The following ZNF468 variants were observed in gnomAD, a reference collection of about 807,000 sequenced individuals.
ZNF468 encodes the protein zinc finger protein 468.
In ZNF468, 8 loss-of-function variants were observed where a neutral mutation model predicts 7.2. That is an observed-to-expected ratio of 1.11 (90% CI 0.65 to 2.01). ZNF468 has a LOEUF of 2.01. Among genes scored for constraint, ZNF468 ranks in the 30% most tolerant of loss-of-function variants. The pLI is 0.00. For missense variants in ZNF468, 608 were observed against 626.5 expected, an observed-to-expected ratio of 0.97 and a Z score of 0.31; for synonymous variants, 218 against 214.4, an observed-to-expected ratio of 1.02 and a Z score of -0.15.
intron 2 of ZNF468, 156 bp downstream of exon 2, chr19:52,854,102 C>T (rs187609598): frequency 1.5e-5 from 23 of 1,556,098 alleles, no homozygotes; most frequent in African/African-American, 8.1e-5. Flanking sequence ...TCACGAGAGA[C>T]GGAACCTAAG....
intron 2 of ZNF468, chr19:52,849,493 G>A (rs2063367294): frequency 3.4e-6 from 2 of 583,078 alleles, no homozygotes; most frequent in African/African-American, 1.9e-5. Flanking sequence ...TTATAAAAAT[G>A]TTTGAAACTT....
At chr19:52,855,154 G>A (rs896526654) in intron 1 of ZNF468, among the ~76,000 whole-genome samples, 2 of 151,354 alleles carry the variant, frequency 1.3e-5, no homozygotes, top group Non-Finnish European at 2.9e-5. Context: ...CTCACAGCCC[G>A]GAGGACAGAG....
intron 3 of ZNF468, among the ~76,000 whole-genome samples, chr19:52,845,792 G>C (rs930993366): frequency 6.6e-6 from 1 of 152,134 alleles, no homozygotes; most frequent in Admixed American, 6.5e-5. Context: ...ATAACCTGAG[G>C]TTGGGAGTTC....
In ZNF468 at chr19:52,840,640, T is replaced by A. The variant is rs2063286927; in HGVS notation, c.*85A>T. 3.1e-6 allele frequency: 5 copies of A among 1,599,822 alleles called. No individual in the cohort carries two copies. Among genetic ancestry groups the A allele is most frequent in the Non-Finnish European group, 4.3e-6 (5 of 1,167,348 alleles). ...AAAAACCTTGCCACATTCATTATGC[T>A]TGTAAGGTTTCTCTCCAGTATGAAT... is the stretch of plus-strand genomic sequence containing the variant. On this transcript the variant is annotated 3_prime_UTR_variant, in exon 4 of 4. Transcript: ENST00000595646.
At position 52,843,844 on chromosome 19, in the gene ZNF468, G is replaced by A. The variant is rs187853035; in HGVS notation, c.143-1693C>T. Among the ~76,000 whole-genome samples the A allele has an allele frequency of 2.3e-3, 353 of 152,232 alleles. 2 individuals are homozygous for A. The highest frequency in any genetic ancestry group is 8.2e-3 in the African/African-American group (341 of 41,536). Reference sequence around the variant, plus strand: ...CAGGAACAAGAATTGACTAGCGGCCGGGTGCAGTGGCACATGCCTGTAATC... The same window carrying A: ...CAGGAACAAGAATTGACTAGCGGCCAGGTGCAGTGGCACATGCCTGTAATC... On this transcript the variant is annotated intron_variant, in intron 3 of 3. Transcript: ENST00000595646.
In ZNF468 at chr19:52,841,162, T is replaced by C. The variant is rs1348379042; in HGVS notation, c.1132A>G (p.Thr378Ala). 6.2e-6 allele frequency: 10 copies of C among 1,613,330 alleles called. No individual in the cohort carries two copies. Among genetic ancestry groups the C allele is most frequent in the Non-Finnish European group, 8.5e-6 (10 of 1,179,564 alleles). The part of the protein sequence containing the change: ...STLARHHRLH[T>A]GEKPYKCEEC... ...TCACATTTGTAAGGTTTCTCTCCAG[T>C]ATGAAGTCTATGATGGCGTGCAAGG... Residue 378 changes from threonine (T) to alanine (A), a missense_variant, in exon 4 of 4, where the codon ACT (threonine) becomes GCT (alanine). Physicochemically the swap from Thr to Ala is moderately conservative, Grantham distance 58 (BLOSUM62 0). Coordinates refer to ENST00000595646, the MANE Select transcript of ZNF468 (RefSeq NM_001008801.2).
chr19:52,853,789 T>G (rs10425825), intron 2 of ZNF468: 199,088 of 806,286 alleles, frequency 0.25, 16,807 homozygotes, highest in African/African-American at 0.27. Context: ...AGAAACACAG[T>G]AACTCACTCC....
At chr19:52,856,198 C>T (rs4801943) in intron 1 of ZNF468, among the ~76,000 whole-genome samples, 72,750 of 150,500 alleles carry the variant, frequency 0.48, 15,668 homozygotes, top group Admixed American at 0.54. Context: ...GCTGTAGAAC[C>T]AAGACATAAG....
Position 52,857,399 on chromosome 19 carries a change from A to C in ZNF468, c.-74+173T>G, listed in dbSNP as rs543498672. ...CCGGGACGGGACCAGCCTCAGGGCG[A>C]CTTTAAACCTAAAAAGAAGGGGCTT... On this transcript the variant is annotated intron_variant, in intron 1 of 3. Coordinates refer to ENST00000595646, the MANE Select transcript of ZNF468 (RefSeq NM_001008801.2). 3.3e-5 allele frequency among the ~76,000 whole-genome samples: 5 copies of C among 152,364 alleles called. No homozygotes were observed. The South Asian group carries it at 1.0e-3, about 32-fold the overall frequency.
Position 52,854,265 on chromosome 19 carries a change from A to G in ZNF468, c.8T>C (p.Leu3Pro), listed in dbSNP as rs775591902. The change falls in exon 2 of 4, where the codon CTT becomes CCT. Residue 3 changes from leucine to proline, a missense_variant. Leu to Pro is a moderately conservative substitution (Grantham distance 98). Transcript: ENST00000595646. ...CCGAGGATATCATCTCACCTGAGGA[A>G]GAGCCATCCCTGACTCCTTTGCTTT... MA[L>P]PQGLLTFRDV... 6.2e-7 allele frequency: 1 copy of G among 1,613,692 alleles called. No individual in the cohort carries two copies. Among genetic ancestry groups the G allele is most frequent in the South Asian group, 1.1e-5 (1 of 91,072 alleles).
chr19:52,838,041 G>A lies in ZNF468; in HGVS notation c.*2684C>T, dbSNP rs1328901708. ...CAGATTTGTGCCAGTTTATTTTGGT[G>A]CAGAAAATGTGACATCATGTGCAAT... is the stretch of plus-strand genomic sequence containing the variant. On this transcript the variant is annotated 3_prime_UTR_variant, in exon 4 of 4. Coordinates refer to ENST00000595646, the MANE Select transcript of ZNF468 (RefSeq NM_001008801.2). 2.0e-5 allele frequency: 3 copies of A among 152,044 alleles called. No individual in the cohort carries two copies. The highest frequency in any genetic ancestry group is 4.4e-5 in the Non-Finnish European group (3 of 68,028). The allele number at this position is 152,044 out of a possible 1,614,324, so 9.4% of individuals were successfully genotyped here.
chr19:52,855,310 T>C (rs892386460), intron 1 of ZNF468, among the ~76,000 whole-genome samples: 1 of 152,186 alleles, frequency 6.6e-6, no homozygotes, highest in African/African-American at 2.4e-5. Flanking sequence ...GCTCTGAGCC[T>C]AGACCTGAAG....
Position 52,839,703 on chromosome 19 carries a change from T to A in ZNF468, c.*1022A>T, listed in dbSNP as rs190554478. On this transcript the variant is annotated 3_prime_UTR_variant, in exon 4 of 4. Coordinates refer to ENST00000595646, the MANE Select transcript of ZNF468 (RefSeq NM_001008801.2). Reference sequence around the variant, plus strand: ...CGCTTTGCCACAATCATCACACTTGTGAGGTTTCTCTCCTGTATGAATCCT... The same window carrying A: ...CGCTTTGCCACAATCATCACACTTGAGAGGTTTCTCTCCTGTATGAATCCT... 8.2e-5 allele frequency: 44 copies of A among 537,576 alleles called. No individual in the cohort carries two copies. In the East Asian group the frequency reaches 2.2e-3, roughly 27 times the overall value. The allele number at this position is 537,576 out of a possible 1,614,324, so 33.3% of individuals were successfully genotyped here. A position where few individuals can be genotyped will look rare whatever the true frequency, so the allele number is the denominator to read the frequency against.
At chr19:52,848,932 G>T (rs1309250279) in intron 3 of ZNF468, among the ~76,000 whole-genome samples, 155 bp downstream of exon 3, 1 of 151,980 alleles carries the variant, frequency 6.6e-6, no homozygotes, top group South Asian at 2.1e-4. Context: ...AAACAAAGGG[G>T]ACAGTGAAAG....
chr19:52,838,319 C>T lies in ZNF468; in HGVS notation c.*2406G>A, dbSNP rs2063265496. 2 of 152,208 alleles carry T rather than the reference C, an allele frequency of 1.3e-5. No homozygotes were observed. The highest frequency in any genetic ancestry group is 4.2e-4 in the South Asian group (2 of 4,818). The allele number at this position is 152,208 out of a possible 1,614,324, so 9.4% of individuals were successfully genotyped here. On this transcript the variant is annotated 3_prime_UTR_variant, in exon 4 of 4. Transcript: ENST00000595646. The stretch of plus-strand genomic sequence containing the variant: ...GTCAACATCAAGTCATCATAGAAAT[C>T]CCACACAAAATAGATACAGAAGAAA...
intron 3 of ZNF468, among the ~76,000 whole-genome samples, chr19:52,848,881 T>A (rs973543504): frequency 3.3e-5 from 5 of 152,134 alleles, no homozygotes; most frequent in African/African-American, 1.2e-4. Flanking sequence ...ACTTTACTTC[T>A]GGAACCCCCA....
At chr19:52,846,368 T>C (rs1276110317) in intron 3 of ZNF468, among the ~76,000 whole-genome samples, 1 of 152,146 alleles carries the variant, frequency 6.6e-6, no homozygotes, top group Non-Finnish European at 1.5e-5. Flanking sequence ...CCTGGCTAAC[T>C]TTTGTAATTT....
In ZNF468 at chr19:52,839,655, A is replaced by G. The variant is rs2063277510; in HGVS notation, c.*1070T>C. ...TCCAGCATGGATTCTCTGATGTCTA[A>G]TGAGGTGTGAATGTGAAGTAAACGC... On this transcript the variant is annotated 3_prime_UTR_variant, in exon 4 of 4. Transcript: ENST00000595646. 1.8e-6 allele frequency: 1 copy of G among 549,476 alleles called. No homozygotes were observed. The highest frequency in any genetic ancestry group is 1.9e-5 in the African/African-American group (1 of 52,376). 34.0% of individuals were successfully genotyped at this position (549,476 alleles called of 1,614,324 possible).
At chr19:52,857,350 T>C (rs1384344527) in intron 1 of ZNF468, among the ~76,000 whole-genome samples, 1 of 152,190 alleles carries the variant, frequency 6.6e-6, no homozygotes, top group Non-Finnish European at 1.5e-5. Context: ...AGGAAACGTA[T>C]ACATTGCCCT....
Sources: allele counts gnomAD v4.1 joint callset (sites outside exome capture counted in the v4.1 genomes callset), GRCh38; gene constraint gnomAD v4.1.1; transcripts MANE v1.5; gene names NCBI Gene and HGNC (gene_info 2026-07-23, HGNC 2026-07-21).